RPRD1B: variants seen among roughly 807,000 people sequenced by gnomAD.
RPRD1B encodes the protein regulation of nuclear pre-mRNA domain-containing protein 1B.
RPRD1B carries 11 observed loss-of-function variants against 41.5 expected under a neutral mutation model. The observed-to-expected ratio is 0.27, with a 90% confidence interval of 0.17 to 0.44. The LOEUF is 0.44. Among genes scored for constraint, RPRD1B ranks in the 20% least tolerant of loss-of-function variants. RPRD1B has a pLI of 1.00. For missense variants in RPRD1B, 248 were observed against 389.9 expected (o/e 0.64, Z 3.06); for synonymous variants, 158 against 155.6 (o/e 1.02, Z -0.12).
intron 6 of RPRD1B, chr20:38,085,327 GC>G (rs1269187490): frequency 6.6e-6 from 1 of 152,262 alleles, no homozygotes; most frequent in Non-Finnish European, 1.5e-5. Context: ...AGGCAGGGGA[GC>G]GTGGGTGTTG....
At chr20:38,039,655 C>A (rs560472460) in intron 1 of RPRD1B, among the ~76,000 whole-genome samples, 1 of 151,934 alleles carries the variant, frequency 6.6e-6, no homozygotes, top group Non-Finnish European at 1.5e-5. Flanking sequence ...CCGTCCATCT[C>A]GGCCTCCAAA....
intron 6 of RPRD1B, among the ~76,000 whole-genome samples, chr20:38,078,818 T>G (rs960592253): frequency 1.3e-5 from 2 of 152,194 alleles, no homozygotes; most frequent in African/African-American, 2.4e-5. Context: ...TTTTTTGTTT[T>G]CCAATATTAT....
chr20:38,090,236 A>G lies in RPRD1B; in HGVS notation c.*361A>G, dbSNP rs188523359. ...TCGAAAGAATCTTGTCCCTCATGACAGCATTTTATCATGAAAGCAGCTTCT... is the reference window on the plus strand; with the variant it reads ...TCGAAAGAATCTTGTCCCTCATGACGGCATTTTATCATGAAAGCAGCTTCT... On this transcript the variant is annotated 3_prime_UTR_variant, in exon 7 of 7. Transcript: ENST00000373433. The G allele has an allele frequency of 4.0e-6, 4 of 997,246 alleles. No individual in the cohort carries two copies. Among genetic ancestry groups the G allele is most frequent in the Non-Finnish European group, 3.6e-6 (3 of 837,466 alleles). 61.8% of individuals were successfully genotyped at this position (997,246 alleles called of 1,614,324 possible).
At chr20:38,072,213 A>G (rs950086115) in intron 6 of RPRD1B, among the ~76,000 whole-genome samples, 1 of 151,588 alleles carries the variant, frequency 6.6e-6, no homozygotes, top group Non-Finnish European at 1.5e-5. Flanking sequence ...GTAGGGGGGG[A>G]CCAACTTCAT....
chr20:38,066,204 A>G lies in RPRD1B; in HGVS notation c.779A>G (p.Glu260Gly), dbSNP rs1285817745. ...DRRQLARMLV[E>G]YTQNQKDVLS... Reference sequence around the variant, plus strand: ...CGCCAGCTGGCTCGGATGTTGGTGGAGTATACCCAGAATCAGAAAGATGTT... The same window carrying G: ...CGCCAGCTGGCTCGGATGTTGGTGGGGTATACCCAGAATCAGAAAGATGTT... The change falls in exon 6 of 7, where the codon GAG becomes GGG. Residue 260 changes from glutamate (E) to glycine (G), a missense_variant. Physicochemically the swap from Glu to Gly is moderately conservative, Grantham distance 98. This residue lies in a region of RPRD1B where 93 missense variants were observed against 167.2 expected (regional missense o/e 0.56). Transcript: ENST00000373433. 1 of 1,614,094 alleles carries G rather than the reference A, an allele frequency of 6.2e-7. No homozygotes were observed. Among genetic ancestry groups the G allele is most frequent in the Admixed American group, 1.7e-5 (1 of 60,006 alleles).
At chr20:38,061,699 C>G (rs1409613042) in intron 5 of RPRD1B, among the ~76,000 whole-genome samples, 1 of 152,224 alleles carries the variant, frequency 6.6e-6, no homozygotes, top group East Asian at 1.9e-4. Context: ...CTCTCTACTT[C>G]CCGTCCTCCC....
At chr20:38,055,213 T>A (rs1228207479) in intron 3 of RPRD1B, among the ~76,000 whole-genome samples, 2 of 152,238 alleles carry the variant, frequency 1.3e-5, no homozygotes, top group Non-Finnish European at 2.9e-5. Context: ...TTTAATATGC[T>A]GTAACAACAA....
intron 6 of RPRD1B, among the ~76,000 whole-genome samples, chr20:38,081,119 T>C (rs1568662208): frequency 6.9e-6 from 1 of 145,366 alleles, no homozygotes; most frequent in Non-Finnish European, 1.5e-5. Context: ...TTTGGTAGTT[T>C]GATAGGAATA....
At chr20:38,087,015 G>A (rs1190735124) in intron 6 of RPRD1B, among the ~76,000 whole-genome samples, 1 of 151,664 alleles carries the variant, frequency 6.6e-6, no homozygotes, top group African/African-American at 2.4e-5. Context: ...GGAGTGCAGT[G>A]ACACAATCTC....
chr20:38,088,685 T>C (rs911118015), intron 6 of RPRD1B, among the ~76,000 whole-genome samples: 3 of 152,120 alleles, frequency 2.0e-5, no homozygotes, highest in African/African-American at 7.2e-5. Context: ...AGAAAAAAAA[T>C]ATGCCCCATT....
intron 5 of RPRD1B, among the ~76,000 whole-genome samples, chr20:38,063,557 G>GAA (rs2074322596): frequency 6.6e-6 from 1 of 152,222 alleles, no homozygotes; most frequent in Non-Finnish European, 1.5e-5. Context: ...AGCTGCAAGG[G>GAA]GGAGCAGGGA....
chr20:38,036,972 G>A (rs558723109), intron 1 of RPRD1B, among the ~76,000 whole-genome samples: 8 of 152,198 alleles, frequency 5.3e-5, no homozygotes, highest in Admixed American at 2.0e-4. Context: ...CCTAGCTTCC[G>A]AATATCCAGG....
chr20:38,045,426 T>G (rs557629909), intron 2 of RPRD1B, among the ~76,000 whole-genome samples: 6 of 152,372 alleles, frequency 3.9e-5, no homozygotes, highest in Non-Finnish European at 7.3e-5. Flanking sequence ...TTCTTGAATA[T>G]TTTATGTATA....
Position 38,048,356 on chromosome 20 carries a change from A to G in RPRD1B, c.290A>G (p.Asp97Gly). ...DAFSHVAREA[D>G]EGCKKPLERL... The stretch of plus-strand genomic sequence containing the variant: ...TCATCTTTTCTGGGCAGAGAGGCAG[A>G]TGAAGGCTGTAAAAAACCTTTAGAA... Residue 97 changes from aspartate to glycine, a missense_variant, in exon 3 of 7, where the codon GAT (aspartate) becomes GGT (glycine). Asp to Gly is a moderately conservative substitution (Grantham distance 94, BLOSUM62 -1). This residue lies in a region of RPRD1B where 47 missense variants were observed against 103.6 expected (regional missense o/e 0.45). Coordinates refer to ENST00000373433, the MANE Select transcript of RPRD1B (RefSeq NM_021215.4). 1 of 1,613,416 alleles carries G rather than the reference A, an allele frequency of 6.2e-7. No homozygotes were observed. The highest frequency in any genetic ancestry group is 8.5e-7 in the Non-Finnish European group (1 of 1,179,426).
rs1253782706 is a variant in RPRD1B, at chr20:38,090,861, C to A, written c.*986C>A. The A allele has an allele frequency of 4.1e-6, 4 of 985,342 alleles. No individual in the cohort carries two copies. Among genetic ancestry groups the A allele is most frequent in the Non-Finnish European group, 4.8e-6 (4 of 829,960 alleles). 61.0% of individuals were successfully genotyped at this position (985,342 alleles called of 1,614,324 possible). On this transcript the variant is annotated 3_prime_UTR_variant, in exon 7 of 7. Coordinates refer to ENST00000373433, the MANE Select transcript of RPRD1B (RefSeq NM_021215.4). Reference sequence around the variant, plus strand: ...CAGTACGGTGGCTAAACTCGAACATCACTGCAAATAGGACGCTGAGCAGGT... The same window carrying A: ...CAGTACGGTGGCTAAACTCGAACATAACTGCAAATAGGACGCTGAGCAGGT...
intron 5 of RPRD1B, 81 bp downstream of exon 5, chr20:38,059,601 C>A: frequency 7.2e-7 from 1 of 1,381,072 alleles, no homozygotes; most frequent in South Asian, 1.3e-5. Context: ...TACTTAACGT[C>A]TGCAGGTATA....
At chr20:38,069,910 C>A (rs2074395091) in intron 6 of RPRD1B, among the ~76,000 whole-genome samples, 1 of 152,208 alleles carries the variant, frequency 6.6e-6, no homozygotes. Context: ...AGACTGTATA[C>A]TCTTTGAGTG....
intron 2 of RPRD1B, among the ~76,000 whole-genome samples, chr20:38,046,698 C>G (rs2074124860): frequency 7.2e-5 from 11 of 152,022 alleles, no homozygotes. Context: ...CCAGGCAAAG[C>G]AAACTTTTGA....
rs773734663 is a variant in RPRD1B, at chr20:38,048,429, C to G, written c.363C>G (p.Phe121Leu). 1 of 1,613,898 alleles carries G rather than the reference C, an allele frequency of 6.2e-7. No individual in the cohort carries two copies. The highest frequency in any genetic ancestry group is 1.7e-5 in the Admixed American group (1 of 60,028). Residue 121 changes from phenylalanine to leucine, a missense_variant, in exon 3 of 7, where the codon TTC becomes TTG. By Grantham distance (22) the Phe-to-Leu change is conservative. Around this residue, in one of 5 missense-constraint regions of RPRD1B, gnomAD observed 94 missense variants for 82.3 expected, o/e 1.14. Transcript: ENST00000373433. Reference sequence around the variant, plus strand: ...AACGAAGTGTGTATGGCGGCGAGTTCATACAGCAGCTGAAGCTGTCTATGG... The same window carrying G: ...AACGAAGTGTGTATGGCGGCGAGTTGATACAGCAGCTGAAGCTGTCTATGG... The part of the protein sequence containing the change: ...WQERSVYGGE[F>L]IQQLKLSMED...
Sources: allele counts gnomAD v4.1 joint callset (sites outside exome capture counted in the v4.1 genomes callset), GRCh38; gene constraint gnomAD v4.1.1; regional missense constraint gnomAD v4.1.1; transcripts MANE v1.5; gene names NCBI Gene and HGNC (gene_info 2026-07-23, HGNC 2026-07-21).